EYA1: variants seen among roughly 807,000 people sequenced by gnomAD.
EYA1 encodes the protein EYA transcriptional coactivator and phosphatase 1.
A neutral mutation model predicts 82.0 loss-of-function variants in EYA1; 16 were observed. The ratio of observed to expected loss-of-function variants is 0.20; its 90% CI spans 0.13 to 0.30. The LOEUF (loss-of-function observed/expected upper bound fraction) is 0.30. Ranked by LOEUF, EYA1 falls within the 10% of genes least tolerant of loss-of-function variation. The pLI is 1.00. For missense variants in EYA1, 633 were observed against 730.7 expected, an observed-to-expected ratio of 0.87 and a Z score of 1.54; for synonymous variants, 261 against 264.4, an observed-to-expected ratio of 0.99 and a Z score of 0.12.
intron 2 of EYA1, among the ~76,000 whole-genome samples, chr8:71,531,768 G>A (rs1814300425): frequency 6.6e-6 from 1 of 152,170 alleles, no homozygotes; most frequent in African/African-American, 2.4e-5. Context: ...GAGGCAAACA[G>A]AGGAGTGGCC....
intron 6 of EYA1, among the ~76,000 whole-genome samples, chr8:71,320,109 C>T (rs1822371841): frequency 6.6e-6 from 1 of 152,160 alleles, no homozygotes; most frequent in Admixed American, 6.5e-5. Flanking sequence ...ATCTCACACT[C>T]TTTGAACAGC....
intron 9 of EYA1, among the ~76,000 whole-genome samples, chr8:71,295,885 A>G (rs1288827659): frequency 1.3e-5 from 2 of 152,172 alleles, no homozygotes; most frequent in African/African-American, 4.8e-5. Flanking sequence ...AGTTTAAGAC[A>G]TGAGTTTAAA....
At chr8:71,517,673 A>G (rs1300031530) in intron 2 of EYA1, among the ~76,000 whole-genome samples, 1 of 149,330 alleles carries the variant, frequency 6.7e-6, no homozygotes, top group Non-Finnish European at 1.5e-5. Flanking sequence ...ATCAAGCCCC[A>G]TTGAGTATGT....
At chr8:71,476,411 T>A (rs1809667981) in intron 2 of EYA1, among the ~76,000 whole-genome samples, 1 of 152,092 alleles carries the variant, frequency 6.6e-6, no homozygotes, top group Admixed American at 6.5e-5. Context: ...GCTTGAACAA[T>A]ACACTTAATG....
At chr8:71,434,162 T>G (rs966362319) in intron 2 of EYA1, among the ~76,000 whole-genome samples, 5 of 152,208 alleles carry the variant, frequency 3.3e-5, no homozygotes, top group African/African-American at 1.2e-4. Context: ...AAGGTATATT[T>G]AAATATTTAC....
At chr8:71,307,207 G>A (rs1439285906) in intron 7 of EYA1, among the ~76,000 whole-genome samples, 1 of 152,212 alleles carries the variant, frequency 6.6e-6, no homozygotes, top group Non-Finnish European at 1.5e-5. Flanking sequence ...TTAAAAAAGT[G>A]AGTAGGGAAA....
At chr8:71,438,666 G>A (rs749387294) in intron 2 of EYA1, among the ~76,000 whole-genome samples, 3 of 152,118 alleles carry the variant, frequency 2.0e-5, no homozygotes, top group African/African-American at 7.2e-5. Flanking sequence ...TGAGCAGATG[G>A]AGAGAAAGGA....
intron 2 of EYA1, among the ~76,000 whole-genome samples, chr8:71,446,537 A>G (rs1806893867): frequency 1.3e-5 from 2 of 152,206 alleles, no homozygotes; most frequent in Non-Finnish European, 1.5e-5. Context: ...TATTACAACC[A>G]TAATATCCGT....
intron 2 of EYA1, among the ~76,000 whole-genome samples, chr8:71,384,065 T>G (rs1828851929): frequency 1.3e-5 from 2 of 152,120 alleles, no homozygotes; most frequent in Admixed American, 1.3e-4. Flanking sequence ...AACTACAATT[T>G]TAAGTGTCTT....
At chr8:71,474,038 G>A (rs552886670) in intron 2 of EYA1, among the ~76,000 whole-genome samples, 4 of 152,076 alleles carry the variant, frequency 2.6e-5, no homozygotes, top group Admixed American at 1.3e-4. Flanking sequence ...ATCACATACC[G>A]GGGCCTGTTA....
intron 1 of EYA1, among the ~76,000 whole-genome samples, chr8:71,545,499 C>CT (rs1312328900): frequency 6.7e-6 from 1 of 149,378 alleles, no homozygotes; most frequent in Non-Finnish European, 1.5e-5. Context: ...TACATCTCGA[C>CT]TTTTTTATAG....
At chr8:71,463,468 C>T (rs776397111) in intron 2 of EYA1, among the ~76,000 whole-genome samples, 10 of 152,082 alleles carry the variant, frequency 6.6e-5, no homozygotes, top group Non-Finnish European at 1.3e-4. Flanking sequence ...ACACAAAAAG[C>T]TGGATGAGAA....
intron 12 of EYA1, among the ~76,000 whole-genome samples, chr8:71,237,203 T>C (rs1358711270): frequency 6.6e-6 from 1 of 151,948 alleles, no homozygotes; most frequent in Non-Finnish European, 1.5e-5. Context: ...AGGCTCACAC[T>C]ACCATGCCCA....
chr8:71,277,120 T>TGC (rs1563383174), intron 9 of EYA1, among the ~76,000 whole-genome samples: 329 of 32,440 alleles, frequency 0.01, 13 homozygotes, highest in African/African-American at 0.033. Flanking sequence ...CACACATTTT[T>TGC]TTTTTTTTTT....
chr8:71,253,597 A>G (rs1431718989), intron 11 of EYA1, among the ~76,000 whole-genome samples: 1 of 152,188 alleles, frequency 6.6e-6, no homozygotes, highest in Non-Finnish European at 1.5e-5. Context: ...CTACCCGTAG[A>G]GCAAATGTCC....
intron 11 of EYA1, among the ~76,000 whole-genome samples, chr8:71,254,077 T>C (rs1190842114): frequency 6.6e-6 from 1 of 151,790 alleles, no homozygotes; most frequent in Non-Finnish European, 1.5e-5. Context: ...ACTCTTGAGT[T>C]TTCTTCTTCT....
At chr8:71,378,185 C>A (rs868720570) in intron 2 of EYA1, among the ~76,000 whole-genome samples, 1 of 152,036 alleles carries the variant, frequency 6.6e-6, no homozygotes, top group African/African-American at 2.4e-5. Flanking sequence ...CAATTATGAT[C>A]CATCCCCCCT....
At chr8:71,288,072 C>T (rs1028256361) in intron 9 of EYA1, among the ~76,000 whole-genome samples, 4 of 152,104 alleles carry the variant, frequency 2.6e-5, no homozygotes, top group African/African-American at 9.7e-5. Context: ...TAATTGTATT[C>T]AAAGGGAGGG....
chr8:71,279,654 T>C (rs558693192), intron 9 of EYA1, among the ~76,000 whole-genome samples: 67 of 152,344 alleles, frequency 4.4e-4, no homozygotes, highest in Non-Finnish European at 7.2e-4. Context: ...GATTGACCCT[T>C]ACTCCAGGGA....
Sources: gnomAD v4.1 joint callset for allele counts (sites outside exome capture counted in the v4.1 genomes callset) on GRCh38, gnomAD v4.1.1 for gene constraint, MANE v1.5 for transcripts, NCBI Gene and HGNC (gene_info 2026-07-23, HGNC 2026-07-21) for gene names.